Variants in SGCZ observed in about 807,000 individuals in gnomAD.
SGCZ encodes zeta-sarcoglycan.
A neutral mutation model predicts 41.3 loss-of-function variants in SGCZ; 40 were observed. The observed-to-expected ratio is 0.97, with a 90% CI of 0.75 to 1.26. The LOEUF (loss-of-function observed/expected upper bound fraction) is 1.26, where lower values mean the gene tolerates loss of function less well. Ranked by LOEUF, SGCZ falls within the 50% of genes most tolerant of loss-of-function variation. The pLI, the probability that SGCZ is intolerant of heterozygous loss-of-function variation, is 0.00. For missense variants in SGCZ, 552 were observed against 369.8 expected (o/e 1.49, Z -4.04); for synonymous variants, 206 against 137.5 (o/e 1.50, Z -3.49).
intron 1 of SGCZ, among the ~76,000 whole-genome samples, chr8:15,144,108 G>C (rs1225990229): frequency 1.3e-5 from 2 of 152,110 alleles, no homozygotes; most frequent in African/African-American, 4.8e-5. Flanking sequence ...CAAAATATCT[G>C]TTTCATTTCT....
chr8:14,273,004 G>C (rs1249044845), intron 3 of SGCZ, among the ~76,000 whole-genome samples: 1 of 151,734 alleles, frequency 6.6e-6, no homozygotes, highest in Non-Finnish European at 1.5e-5. Context: ...TTACATTTAA[G>C]TAAAACAAAT....
chr8:14,630,738 G>A (rs1035073634), intron 1 of SGCZ, among the ~76,000 whole-genome samples: 2 of 151,922 alleles, frequency 1.3e-5, no homozygotes, highest in African/African-American at 2.4e-5. Context: ...GGATGAAGCT[G>A]GAAACCATCA....
intron 1 of SGCZ, among the ~76,000 whole-genome samples, chr8:14,612,522 C>T (rs1379060600): frequency 6.6e-6 from 1 of 152,058 alleles, no homozygotes; most frequent in Non-Finnish European, 1.5e-5. Flanking sequence ...TGGACTAATA[C>T]AGAGGTTTAT....
Position 14,368,323 on chromosome 8 carries a change from T to C in SGCZ, c.235-44119A>G, listed in dbSNP as rs370205136. On this transcript the variant is annotated intron_variant, in intron 2 of 7. Transcript: ENST00000382080. ...CATACAGCTGTTTTCTAAGAAAAGA[T>C]ATTTAGAAGAGATTCATATTAGCGG... Among the ~76,000 whole-genome samples the C allele has an allele frequency of 1.9e-4, 29 of 152,168 alleles. 1 individual carries two copies. The East Asian group carries it at 4.3e-3, about 22-fold the overall frequency.
chr8:14,243,697 A>C (rs1332876774), intron 3 of SGCZ, among the ~76,000 whole-genome samples: 2 of 152,104 alleles, frequency 1.3e-5, no homozygotes, highest in Admixed American at 6.6e-5. Flanking sequence ...CCCAGGCCTG[A>C]AATTCTTATC....
chr8:14,348,755 C>T (rs1802981724), intron 2 of SGCZ, among the ~76,000 whole-genome samples: 1 of 152,094 alleles, frequency 6.6e-6, no homozygotes, highest in African/African-American at 2.4e-5. Flanking sequence ...TCTCAAGAGA[C>T]TTTATGGCTA....
intron 2 of SGCZ, among the ~76,000 whole-genome samples, chr8:14,506,674 C>T (rs528784839): frequency 6.6e-6 from 1 of 152,236 alleles, no homozygotes; most frequent in African/African-American, 2.4e-5. Context: ...CCTGCCCTTC[C>T]CCATTTATAA....
chr8:14,175,454 A>T (rs980326342), intron 4 of SGCZ, among the ~76,000 whole-genome samples: 1 of 152,142 alleles, frequency 6.6e-6, no homozygotes, highest in East Asian at 1.9e-4. Context: ...TAAAATGCCC[A>T]TAAGTAATGG....
At chr8:14,174,455 T>A (rs1804482399) in intron 4 of SGCZ, among the ~76,000 whole-genome samples, 1 of 152,078 alleles carries the variant, frequency 6.6e-6, no homozygotes, top group Admixed American at 6.6e-5. Context: ...AATTTACTGG[T>A]ATTCCTGACA....
At chr8:15,131,877 G>A (rs534958798) in intron 1 of SGCZ, among the ~76,000 whole-genome samples, 3 of 152,314 alleles carry the variant, frequency 2.0e-5, no homozygotes, top group East Asian at 3.9e-4. Flanking sequence ...TGAAAGGTCT[G>A]CAAGCTCTTC....
intron 1 of SGCZ, among the ~76,000 whole-genome samples, chr8:14,999,799 G>A (rs1802348410): frequency 2.0e-5 from 3 of 152,166 alleles, no homozygotes; most frequent in Admixed American, 2.0e-4. Context: ...AAGTAATGGG[G>A]AAGTAACCTA....
intron 3 of SGCZ, among the ~76,000 whole-genome samples, chr8:14,275,884 G>C (rs1406517302): frequency 6.6e-6 from 1 of 152,160 alleles, no homozygotes; most frequent in Non-Finnish European, 1.5e-5. Flanking sequence ...GACAGATCCA[G>C]GGTAAACATA....
chr8:14,395,680 C>G (rs983610228), intron 2 of SGCZ, among the ~76,000 whole-genome samples: 2 of 152,136 alleles, frequency 1.3e-5, no homozygotes, highest in East Asian at 3.9e-4. Context: ...ATACCCTGAC[C>G]CATTTTCCAA....
chr8:14,978,398 G>T (rs1311053186), intron 1 of SGCZ, among the ~76,000 whole-genome samples: 1 of 118,480 alleles, frequency 8.4e-6, no homozygotes, highest in Non-Finnish European at 1.6e-5. Context: ...TTAAACCTGG[G>T]AGGTGGAGGT....
intron 2 of SGCZ, among the ~76,000 whole-genome samples, chr8:14,367,560 G>A (rs1563283404): frequency 6.6e-6 from 1 of 152,044 alleles, no homozygotes; most frequent in Non-Finnish European, 1.5e-5. Flanking sequence ...GCATTTCTGG[G>A]GAGGCCTCAG....
At chr8:14,642,720 A>G (rs1029680747) in intron 1 of SGCZ, among the ~76,000 whole-genome samples, 7 of 151,520 alleles carry the variant, frequency 4.6e-5, no homozygotes, top group African/African-American at 1.7e-4. Flanking sequence ...TAAATACTTA[A>G]TTTGTTGGTC....
intron 1 of SGCZ, among the ~76,000 whole-genome samples, chr8:14,684,748 T>C (rs576253911): frequency 7.2e-5 from 11 of 152,028 alleles, no homozygotes; most frequent in African/African-American, 2.2e-4. Flanking sequence ...TCACATCATA[T>C]ATAAAATTGC....
chr8:14,861,051 G>C (rs1046815194), intron 1 of SGCZ, among the ~76,000 whole-genome samples: 3 of 152,176 alleles, frequency 2.0e-5, no homozygotes, highest in Non-Finnish European at 4.4e-5. Flanking sequence ...GAATTGCAGT[G>C]AGCTCACGAT....
chr8:14,819,806 T>A (rs923788776), intron 1 of SGCZ, among the ~76,000 whole-genome samples: 5 of 152,124 alleles, frequency 3.3e-5, no homozygotes, highest in African/African-American at 1.2e-4. Context: ...TAATCCATTT[T>A]AACCACAAGA....
Sources: allele counts gnomAD v4.1 joint callset (sites outside exome capture counted in the v4.1 genomes callset), GRCh38; gene constraint gnomAD v4.1.1; transcripts MANE v1.5; gene names NCBI Gene and HGNC (gene_info 2026-07-23, HGNC 2026-07-21).